Variants in ATRNL1 observed in about 807,000 individuals in gnomAD.
ATRNL1 encodes attractin like 1, also known as attractin-like protein 1.
ATRNL1 carries 95 observed loss-of-function variants against 182.7 expected under a neutral mutation model. The observed-to-expected ratio is 0.52, with a 90% CI of 0.44 to 0.62. ATRNL1 has a LOEUF of 0.62. Among genes scored for constraint, ATRNL1 ranks in the 20% least tolerant of loss-of-function variants. The pLI, the probability that ATRNL1 is intolerant of heterozygous loss-of-function variation, is 0.00. For missense variants in ATRNL1, 1,471 were observed against 1,679.5 expected (o/e 0.88, Z 2.17); for synonymous variants, 576 against 568.3 (o/e 1.01, Z -0.19).
At chr10:115,310,776 C>T (rs112799438) in intron 17 of ATRNL1, among the ~76,000 whole-genome samples, 20 of 152,192 alleles carry the variant, frequency 1.3e-4, no homozygotes, top group African/African-American at 4.6e-4. Context: ...GACTAGTTTT[C>T]ATTTCATTGG....
chr10:115,661,372 C>T (rs1555037635), intron 26 of ATRNL1, among the ~76,000 whole-genome samples: 1 of 151,896 alleles, frequency 6.6e-6, no homozygotes, highest in African/African-American at 2.4e-5. Flanking sequence ...TAAGTGTTCT[C>T]CTGATATATA....
At chr10:115,162,559 A>G (rs1036496306) in intron 6 of ATRNL1, among the ~76,000 whole-genome samples, 5 of 151,108 alleles carry the variant, frequency 3.3e-5, no homozygotes, top group African/African-American at 1.2e-4. Flanking sequence ...GAGTCATGGG[A>G]GGGTTTTGAG....
intron 18 of ATRNL1, among the ~76,000 whole-genome samples, chr10:115,324,898 A>G (rs1363884359): frequency 6.6e-6 from 1 of 152,110 alleles, no homozygotes; most frequent in African/African-American, 2.4e-5. Flanking sequence ...ATTTAGCTTT[A>G]CTATTCTTAT....
intron 7 of ATRNL1, among the ~76,000 whole-genome samples, chr10:115,169,657 G>C (rs1199806735): frequency 6.6e-6 from 1 of 152,122 alleles, no homozygotes; most frequent in Non-Finnish European, 1.5e-5. Flanking sequence ...AAAGAAGCCA[G>C]CTGAGATTTT....
At chr10:115,693,323 C>T (rs1946451335) in intron 26 of ATRNL1, among the ~76,000 whole-genome samples, 1 of 152,104 alleles carries the variant, frequency 6.6e-6, no homozygotes, top group Non-Finnish European at 1.5e-5. Flanking sequence ...ATTCTAAGTG[C>T]ATCACTATTT....
intron 28 of ATRNL1, among the ~76,000 whole-genome samples, chr10:115,855,024 C>T (rs541477716): frequency 2.1e-4 from 32 of 152,284 alleles, no homozygotes; most frequent in Non-Finnish European, 3.4e-4. Context: ...GACTTCTCCT[C>T]AACTTCTCTT....
At chr10:115,226,228 C>G (rs1428956311) in intron 9 of ATRNL1, among the ~76,000 whole-genome samples, 3 of 151,752 alleles carry the variant, frequency 2.0e-5, no homozygotes, top group African/African-American at 7.3e-5. Flanking sequence ...AATATTAAGC[C>G]CTACCTCACA....
intron 21 of ATRNL1, among the ~76,000 whole-genome samples, chr10:115,458,135 A>C (rs887390344): frequency 6.6e-6 from 1 of 152,146 alleles, no homozygotes; most frequent in African/African-American, 2.4e-5. Context: ...TTTAAATTTT[A>C]AAGTTTTATA....
intron 26 of ATRNL1, among the ~76,000 whole-genome samples, chr10:115,582,206 C>T (rs1479075878): frequency 2.9e-5 from 3 of 103,920 alleles, no homozygotes; most frequent in Admixed American, 1.2e-4. Flanking sequence ...AGTAAACATA[C>T]GTGTGCACGT....
chr10:115,784,531 C>G (rs868924790), intron 27 of ATRNL1, among the ~76,000 whole-genome samples: 5 of 152,180 alleles, frequency 3.3e-5, no homozygotes, highest in South Asian at 2.1e-4. Context: ...AACAGATTGT[C>G]ATAAACTTGG....
intron 26 of ATRNL1, among the ~76,000 whole-genome samples, chr10:115,617,813 C>T (rs1857516728): frequency 6.6e-6 from 1 of 152,186 alleles, no homozygotes; most frequent in African/African-American, 2.4e-5. Flanking sequence ...GTGAGAAGGA[C>T]ATAAGATTTG....
At chr10:115,934,981 C>T (rs1437113209) in intron 28 of ATRNL1, among the ~76,000 whole-genome samples, 2 of 152,216 alleles carry the variant, frequency 1.3e-5, no homozygotes, top group Non-Finnish European at 2.9e-5. Context: ...CCACACCCCT[C>T]CTGCCAGTGT....
At chr10:115,365,028 G>A (rs1214490991) in intron 19 of ATRNL1, among the ~76,000 whole-genome samples, 1 of 149,652 alleles carries the variant, frequency 6.7e-6, no homozygotes, top group East Asian at 2.0e-4. Context: ...AATGATGCTG[G>A]CCTCATAAAA....
chr10:115,358,724 T>C lies in ATRNL1; in HGVS notation c.3175+24305T>C, dbSNP rs544812217. ...AAGTCATTAAGTGCTAGAATGAGAA[T>C]TGAAACCTTGAACTACCTGATTCTA... On this transcript the variant is annotated intron_variant, in intron 19 of 28. Coordinates refer to ENST00000355044, the MANE Select transcript of ATRNL1 (RefSeq NM_207303.4). Among the ~76,000 whole-genome samples, 5 of 151,838 alleles carry C rather than the reference T, an allele frequency of 3.3e-5. No homozygotes were observed. The East Asian group carries it at 7.7e-4, about 23-fold the overall frequency.
At chr10:115,311,100 A>G (rs781815078) in intron 17 of ATRNL1, among the ~76,000 whole-genome samples, 12 of 151,790 alleles carry the variant, frequency 7.9e-5, no homozygotes, top group Admixed American at 3.9e-4. Flanking sequence ...TTAAATTTTC[A>G]TGTATTTACA....
chr10:115,539,327 C>A (rs1354202183), intron 25 of ATRNL1, among the ~76,000 whole-genome samples: 2 of 152,216 alleles, frequency 1.3e-5, no homozygotes, highest in Non-Finnish European at 2.9e-5. Flanking sequence ...CCATAGGGTT[C>A]CAGTTCCAGG....
chr10:115,776,607 T>TTTTTTTTTTTTTTTTTTTTTTG (rs1565369382), intron 27 of ATRNL1, among the ~76,000 whole-genome samples: 1 of 152,116 alleles, frequency 6.6e-6, no homozygotes, highest in African/African-American at 2.4e-5. Context: ...TATTCATTCT[T>TTTTTTTTTTTTTTTTTTTTTTG]GAAACGAAGC....
intron 1 of ATRNL1, among the ~76,000 whole-genome samples, chr10:115,117,819 C>T (rs1844559433): frequency 6.6e-6 from 1 of 152,108 alleles, no homozygotes; most frequent in African/African-American, 2.4e-5. Context: ...TTCCCACAAA[C>T]AGTATAAGAG....
intron 5 of ATRNL1, among the ~76,000 whole-genome samples, chr10:115,147,213 C>T (rs768372126): frequency 1.3e-5 from 2 of 151,986 alleles, no homozygotes; most frequent in Non-Finnish European, 2.9e-5. Flanking sequence ...GGCAAATTCC[C>T]TGGTGATTGG....
Sources: gnomAD v4.1 joint callset for allele counts (sites outside exome capture counted in the v4.1 genomes callset) on GRCh38, gnomAD v4.1.1 for gene constraint, MANE v1.5 for transcripts, NCBI Gene and HGNC (gene_info 2026-07-23, HGNC 2026-07-21) for gene names.